Variants in PPIL6 observed in about 807,000 individuals in gnomAD.
PPIL6 encodes the protein peptidylprolyl isomerase like 6.
A neutral mutation model predicts 36.8 loss-of-function variants in PPIL6; 39 were observed. That is an observed-to-expected ratio of 1.06 (90% CI 0.82 to 1.38). The LOEUF is 1.38. PPIL6 is among the 40% of genes most tolerant of loss of function. The pLI is 0.00. For synonymous variants in PPIL6, 123 were observed against 134.1 expected (o/e 0.92, Z 0.57); for missense variants, 368 against 379.1 (o/e 0.97, Z 0.24).
intron 6 of PPIL6, among the ~76,000 whole-genome samples, chr6:109,407,388 C>T (rs1400873820): frequency 8.6e-5 from 13 of 152,034 alleles, no homozygotes; most frequent in Admixed American, 1.3e-4. Flanking sequence ...TACAGGCGCC[C>T]GCCACCGCGC....
chr6:109,396,711 G>A (rs1425253658), intron 7 of PPIL6, among the ~76,000 whole-genome samples: 2 of 151,740 alleles, frequency 1.3e-5, no homozygotes, highest in Non-Finnish European at 2.9e-5. Context: ...TACAATGGGT[G>A]CACGTGAATG....
intron 6 of PPIL6, among the ~76,000 whole-genome samples, chr6:109,414,889 T>A (rs1773178609): frequency 6.6e-6 from 1 of 152,220 alleles, no homozygotes; most frequent in Non-Finnish European, 1.5e-5. Context: ...AATAGTCGAT[T>A]ACATATATTT....
At chr6:109,398,082 G>A (rs1356812234) in intron 7 of PPIL6, among the ~76,000 whole-genome samples, 1 of 151,986 alleles carries the variant, frequency 6.6e-6, no homozygotes, top group Non-Finnish European at 1.5e-5. Flanking sequence ...AGGAGAGATG[G>A]GGTTTCACCA....
chr6:109,440,869 C>A (rs1218384010), upstream of PPIL6: 1 of 535,934 alleles, frequency 1.9e-6, no homozygotes, highest in Non-Finnish European at 3.2e-6. Flanking sequence ...CCTTACCGAG[C>A]CTGGGCGCCC....
upstream of PPIL6, chr6:109,440,999 C>T: frequency 1.0e-6 from 1 of 971,942 alleles, no homozygotes; most frequent in Non-Finnish European, 1.6e-6. Context: ...TTGGTGCCCA[C>T]CTGTGCGCGC....
intron 1 of PPIL6, among the ~76,000 whole-genome samples, chr6:109,437,543 CTTTT>C (rs1774513834): frequency 7.5e-6 from 1 of 133,632 alleles, no homozygotes; most frequent in Non-Finnish European, 1.6e-5. Flanking sequence ...ACTACTATTT[CTTTT>C]CTTTTTTTTT....
At chr6:109,426,792 T>C (rs190884848) in intron 5 of PPIL6, 55 bp downstream of exon 5, 3 of 1,205,750 alleles carry the variant, frequency 2.5e-6, no homozygotes, top group Admixed American at 4.7e-5. Flanking sequence ...AAATGAAAGT[T>C]TGGACCTTCT....
At chr6:109,422,351 G>C (rs773652851) in intron 5 of PPIL6, among the ~76,000 whole-genome samples, 2 of 152,130 alleles carry the variant, frequency 1.3e-5, no homozygotes, top group Non-Finnish European at 2.9e-5. Context: ...CTTTGGTGGG[G>C]CTGAGGCAAG....
chr6:109,397,962 G>A (rs1772367969), intron 7 of PPIL6, among the ~76,000 whole-genome samples: 1 of 151,732 alleles, frequency 6.6e-6, no homozygotes, highest in Non-Finnish European at 1.5e-5. Flanking sequence ...TGCGATCTCG[G>A]CTCACTGCAA....
chr6:109,421,394 T>C (rs1773532125), intron 5 of PPIL6, among the ~76,000 whole-genome samples: 1 of 152,240 alleles, frequency 6.6e-6, no homozygotes, highest in African/African-American at 2.4e-5. Context: ...AGTTACTTTT[T>C]CCAAACCTGT....
intron 3 of PPIL6, among the ~76,000 whole-genome samples, chr6:109,428,422 T>A (rs1171632613): frequency 6.6e-6 from 1 of 151,940 alleles, no homozygotes; most frequent in Admixed American, 6.6e-5. Flanking sequence ...CATGATGGCA[T>A]GTGTCTGTAG....
In PPIL6 at chr6:109,440,604, GA is replaced by G. The variant is rs1157247153; in HGVS notation, c.-15del. On this transcript the variant is annotated 5_prime_UTR_variant, in exon 1 of 8. Transcript: ENST00000521072. ...CGGCCTTGCCATGGCCGCGCCCGGG[GA>G]CGCCCGGTGACCCCAAACACTGCGC... 5 of 1,330,198 alleles carry G rather than the reference GA, an allele frequency of 3.8e-6. No homozygotes were observed. The East Asian group carries it at 1.3e-4, about 35-fold the overall frequency. 82.4% of individuals were successfully genotyped at this position (1,330,198 alleles called of 1,614,324 possible). A position where few individuals can be genotyped will look rare whatever the true frequency, so the allele number is the denominator to read the frequency against.
In PPIL6 at chr6:109,428,957, T is replaced by C. The variant is rs1454570363; in HGVS notation, c.421-1801A>G. ...TCCCTGCGCATCAAGATATTATCTT[T>C]ATGAGATAGTCCAGAATAGATAGTT... On this transcript the variant is annotated intron_variant, in intron 3 of 7. Transcript: ENST00000521072. Among the ~76,000 whole-genome samples, 8 of 152,134 alleles carry C rather than the reference T, an allele frequency of 5.3e-5. No homozygotes were observed. The East Asian group carries it at 9.6e-4, about 18-fold the overall frequency.
At position 109,440,255 on chromosome 6, in the gene PPIL6, C is replaced by T. The variant is rs537621977; in HGVS notation, c.135+201G>A. 5.2e-4 allele frequency: 364 copies of T among 695,050 alleles called. 6 individuals carry two copies. The highest frequency in any genetic ancestry group is 5.2e-3 in the South Asian group (350 of 67,056). 43.1% of individuals were successfully genotyped at this position (695,050 alleles called of 1,614,324 possible). Reference sequence around the variant, plus strand: ...TAAAAGTCGCCAAGTGGAACGCCCGCCCCCGGACCCGCACTTGCCCCCCTA... The same window carrying T: ...TAAAAGTCGCCAAGTGGAACGCCCGTCCCCGGACCCGCACTTGCCCCCCTA... On this transcript the variant is annotated intron_variant, in intron 1 of 7. Transcript: ENST00000521072.
At chr6:109,401,897 G>A (rs945465398) in intron 6 of PPIL6, among the ~76,000 whole-genome samples, 1 of 151,814 alleles carries the variant, frequency 6.6e-6, no homozygotes, top group African/African-American at 2.4e-5. Flanking sequence ...CTAATTTTTT[G>A]TATTTTTAGT....
In PPIL6 at chr6:109,440,437, G is replaced by A; in HGVS notation, c.135+19C>T. 2 of 1,538,994 alleles carry A rather than the reference G, an allele frequency of 1.3e-6. No individual in the cohort carries two copies. The highest frequency in any genetic ancestry group is 1.8e-6 in the Non-Finnish European group (2 of 1,140,738). ...GTAGCGGGGAGGGCCGCCCACGACGGAGGTTTCTCTGTGGTTACCTCAGCG... is the reference window on the plus strand; with the variant it reads ...GTAGCGGGGAGGGCCGCCCACGACGAAGGTTTCTCTGTGGTTACCTCAGCG... On this transcript the variant is annotated intron_variant, in intron 1 of 7. Transcript: ENST00000521072.
intron 6 of PPIL6, among the ~76,000 whole-genome samples, chr6:109,407,100 A>C (rs1206663739): frequency 6.6e-6 from 1 of 152,244 alleles, no homozygotes; most frequent in African/African-American, 2.4e-5. Flanking sequence ...GACATTTCAA[A>C]ACAACAATCT....
upstream of PPIL6, chr6:109,440,905 C>T (rs1041640968): frequency 1.1e-5 from 6 of 567,368 alleles, no homozygotes; most frequent in Admixed American, 1.1e-4. Flanking sequence ...ATCGCCTTTC[C>T]GGGTTGGCGG....
chr6:109,416,105 C>G (rs562419688), intron 6 of PPIL6, among the ~76,000 whole-genome samples: 1 of 152,172 alleles, frequency 6.6e-6, no homozygotes, highest in Admixed American at 6.6e-5. Flanking sequence ...GGATCATAAA[C>G]CCAACTGCAT....
Sources: allele counts gnomAD v4.1 joint callset (sites outside exome capture counted in the v4.1 genomes callset), GRCh38; gene constraint gnomAD v4.1.1; transcripts MANE v1.5; gene names NCBI Gene and HGNC (gene_info 2026-07-23, HGNC 2026-07-21).